Variants in ZC3H13 observed in about 807,000 individuals in gnomAD.
ZC3H13 encodes zinc finger CCCH-type containing 13, also known as zinc finger CCCH domain-containing protein 13.
A neutral mutation model predicts 204.1 loss-of-function variants in ZC3H13; 64 were observed. The observed-to-expected ratio is 0.31, with a 90% CI of 0.26 to 0.39. ZC3H13 has a LOEUF of 0.39. ZC3H13 is among the 10% of genes least tolerant of loss of function. The pLI is 1.00. For missense variants in ZC3H13, 1,833 were observed against 2,082.7 expected (o/e 0.88, Z 2.33); for synonymous variants, 667 against 693.7 (o/e 0.96, Z 0.60).
intron 3 of ZC3H13, 85 bp downstream of exon 3, chr13:46,044,870 T>C: frequency 3.4e-6 from 3 of 893,580 alleles, no homozygotes; most frequent in East Asian, 2.9e-5. Flanking sequence ...ACCAAATATA[T>C]GGTTGTATTT....
intron 8 of ZC3H13, among the ~76,000 whole-genome samples, chr13:45,997,441 ACTCTCC>A (rs954945765): frequency 5.9e-5 from 9 of 151,960 alleles, no homozygotes; most frequent in African/African-American, 1.9e-4. Flanking sequence ...GGGTATGGGC[ACTCTCC>A]CTCACCAAAA....
At chr13:46,031,470 T>C (rs1472426588) in intron 4 of ZC3H13, among the ~76,000 whole-genome samples, 1 of 151,786 alleles carries the variant, frequency 6.6e-6, no homozygotes, top group Non-Finnish European at 1.5e-5. Flanking sequence ...AAGCTTCTAC[T>C]CTATTAAAAA....
Position 46,052,546 on chromosome 13 carries a change from G to A in ZC3H13, c.-152C>T. On this transcript the variant is annotated 5_prime_UTR_variant, in exon 1 of 19. Coordinates refer to ENST00000679008, the MANE Select transcript of ZC3H13 (RefSeq NM_001330564.2). ...AGAAAGCGATGCGCGCGCGGCTCCCGGGAACCGGCTCTTGGCTAGCGAGGA... is the reference window on the plus strand; with the variant it reads ...AGAAAGCGATGCGCGCGCGGCTCCCAGGAACCGGCTCTTGGCTAGCGAGGA... 2.5e-6 allele frequency: 1 copy of A among 398,768 alleles called. No individual in the cohort carries two copies. Among genetic ancestry groups the A allele is most frequent in the Non-Finnish European group, 4.4e-6 (1 of 226,212 alleles). 24.7% of individuals were successfully genotyped at this position (398,768 alleles called of 1,614,324 possible).
In ZC3H13 at chr13:45,975,200, G is replaced by A. The variant is rs1275979540; in HGVS notation, c.2468+83C>T. On this transcript the variant is annotated intron_variant, in intron 12 of 18. Transcript: ENST00000679008. Reference sequence around the variant, plus strand: ...AGAAAAAAAATTAACAGGAAATTAAGAGTATATTGAAAAGCATTAAATGAA... The same window carrying A: ...AGAAAAAAAATTAACAGGAAATTAAAAGTATATTGAAAAGCATTAAATGAA... 2.7e-6 allele frequency: 4 copies of A among 1,506,916 alleles called. No individual in the cohort carries two copies. The African/African-American group carries it at 4.2e-5, about 16-fold the overall frequency. 93.3% of individuals were successfully genotyped at this position (1,506,916 alleles called of 1,614,324 possible).
chr13:46,032,362 CAA>C (rs11323386), intron 4 of ZC3H13, among the ~76,000 whole-genome samples: 241 of 99,644 alleles, frequency 2.4e-3, no homozygotes, highest in Non-Finnish European at 3.2e-3. Context: ...AGAAAAAGAC[CAA>C]AAAAAAAAAA....
At chr13:45,968,559 A>G (rs1019858728) in intron 14 of ZC3H13, among the ~76,000 whole-genome samples, 189 bp downstream of exon 14, 4 of 152,194 alleles carry the variant, frequency 2.6e-5, no homozygotes, top group Non-Finnish European at 4.4e-5. Context: ...ATGTATTTCT[A>G]TTATAATGTT....
At chr13:46,021,169 C>T (rs965135038) in intron 4 of ZC3H13, among the ~76,000 whole-genome samples, 2 of 151,936 alleles carry the variant, frequency 1.3e-5, no homozygotes, top group Non-Finnish European at 2.9e-5. Context: ...ATATTTTACC[C>T]ATTTTGATGA....
chr13:45,962,403 A>G, intron 17 of ZC3H13: 1 of 985,430 alleles, frequency 1.0e-6, no homozygotes, highest in Non-Finnish European at 1.2e-6. Context: ...CTACTAGCAA[A>G]AGGTCACAGA....
At chr13:45,962,629 C>T (rs1398927763) in intron 17 of ZC3H13, 1 of 982,840 alleles carries the variant, frequency 1.0e-6, no homozygotes, top group Non-Finnish European at 1.2e-6. Flanking sequence ...GTTTATTGGG[C>T]TATATTAAAA....
intron 17 of ZC3H13, among the ~76,000 whole-genome samples, chr13:45,960,364 TAG>T (rs1477305474): frequency 6.6e-6 from 1 of 152,310 alleles, no homozygotes; most frequent in African/African-American, 2.4e-5. Flanking sequence ...AACTACTATT[TAG>T]AGTTTTAGAT....
At chr13:46,037,780 G>A (rs2043302604) in intron 4 of ZC3H13, among the ~76,000 whole-genome samples, 1 of 152,028 alleles carries the variant, frequency 6.6e-6, no homozygotes, top group Admixed American at 6.6e-5. Flanking sequence ...AAAGATAAAG[G>A]TAAAATTAAA....
chr13:45,959,755 T>C, intron 17 of ZC3H13, 109 bp from the exon 18 acceptor site: 1 of 1,221,312 alleles, frequency 8.2e-7, no homozygotes, highest in Admixed American at 3.6e-5. Flanking sequence ...GTTAGCAACA[T>C]TGGTGAAAAT....
Position 45,963,580 on chromosome 13 carries a change from G to A in ZC3H13, c.4675+262C>T, listed in dbSNP as rs536405013. The A allele has an allele frequency of 1.0e-4, 124 of 1,220,810 alleles. No individual in the cohort carries two copies. In the South Asian group the frequency reaches 1.9e-3, roughly 18 times the overall value. 75.6% of individuals were successfully genotyped at this position (1,220,810 alleles called of 1,614,324 possible). On this transcript the variant is annotated intron_variant, in intron 17 of 18. Transcript: ENST00000679008. Reference sequence around the variant, plus strand: ...TGTGACTACAGACATGCAACACCACGCCTGGCCTGTTAATAAGTAATTTTC... The same window carrying A: ...TGTGACTACAGACATGCAACACCACACCTGGCCTGTTAATAAGTAATTTTC...
At chr13:46,018,082 G>C (rs2042017231) in intron 5 of ZC3H13, among the ~76,000 whole-genome samples, 1 of 152,144 alleles carries the variant, frequency 6.6e-6, no homozygotes, top group Admixed American at 6.6e-5. Context: ...CTCCGTGTAA[G>C]ACTGAAGGGC....
At chr13:45,963,757 C>T (rs1951861599) in intron 17 of ZC3H13, 85 bp downstream of exon 17, 1 of 1,571,404 alleles carries the variant, frequency 6.4e-7, no homozygotes, top group Non-Finnish European at 8.6e-7. Flanking sequence ...GTGTTAAGTG[C>T]TACATAAGAA....
At chr13:46,034,989 C>T (rs1460610144) in intron 4 of ZC3H13, among the ~76,000 whole-genome samples, 1 of 152,054 alleles carries the variant, frequency 6.6e-6, no homozygotes, top group Non-Finnish European at 1.5e-5. Flanking sequence ...GAAACAATAC[C>T]CCACTAGCAC....
chr13:45,963,616 G>T (rs913872103), intron 17 of ZC3H13: 6 of 1,333,012 alleles, frequency 4.5e-6, no homozygotes, highest in African/African-American at 1.5e-5. Flanking sequence ...ATACAAAAAG[G>T]TCATTGTACT....
At chr13:45,975,860 G>A in intron 11 of ZC3H13, 22 bp from the exon 12 acceptor site, 1 of 1,600,880 alleles carries the variant, frequency 6.2e-7, no homozygotes, top group Middle Eastern at 1.7e-4. Context: ...ATCAAGTTTT[G>A]TCAGTGATTA....
In ZC3H13 at chr13:45,970,789, G is replaced by A. The variant is rs548157057; in HGVS notation, c.2469-324C>T. Among the ~76,000 whole-genome samples the A allele has an allele frequency of 5.3e-5, 8 of 152,244 alleles. No homozygotes were observed. In the East Asian group the frequency reaches 7.7e-4, roughly 15 times the overall value. On this transcript the variant is annotated intron_variant, in intron 12 of 18. Coordinates refer to ENST00000679008, the MANE Select transcript of ZC3H13 (RefSeq NM_001330564.2). ...AAACCAATATATTAATGTACCCTCTGATATAAACATTCAGCAATTTTGCAT... is the reference window on the plus strand; with the variant it reads ...AAACCAATATATTAATGTACCCTCTAATATAAACATTCAGCAATTTTGCAT...
Sources: gnomAD v4.1 joint callset for allele counts (sites outside exome capture counted in the v4.1 genomes callset) on GRCh38, gnomAD v4.1.1 for gene constraint, MANE v1.5 for transcripts, NCBI Gene and HGNC (gene_info 2026-07-23, HGNC 2026-07-21) for gene names.